The following L3MBTL4 variants were observed in gnomAD, a reference collection of about 807,000 sequenced individuals.
The protein encoded by L3MBTL4 is lethal(3)malignant brain tumor-like protein 4.
In L3MBTL4, 70 loss-of-function variants were observed where a neutral mutation model predicts 84.5. That is an observed-to-expected ratio of 0.83 (90% CI 0.68 to 1.01). L3MBTL4 has a LOEUF of 1.01. Among genes scored for constraint, L3MBTL4 ranks in the 50% least tolerant of loss-of-function variants. The pLI, the probability that L3MBTL4 is intolerant of heterozygous loss-of-function variation, is 0.00. For synonymous variants in L3MBTL4, 274 were observed against 259.8 expected (o/e 1.05, Z -0.52); for missense variants, 715 against 754.8 (o/e 0.95, Z 0.62).
At chr18:6,032,516 G>A (rs2055874741) in intron 16 of L3MBTL4, among the ~76,000 whole-genome samples, 1 of 151,698 alleles carries the variant, frequency 6.6e-6, no homozygotes, top group Non-Finnish European at 1.5e-5. Context: ...GTACTGTACT[G>A]TTGAATTGTT....
At chr18:6,153,703 G>A (rs553441429) in intron 13 of L3MBTL4, among the ~76,000 whole-genome samples, 212 of 152,148 alleles carry the variant, frequency 1.4e-3, no homozygotes, top group Non-Finnish European at 2.7e-3. Context: ...GATCATAAGG[G>A]TGGTTTTCCC....
At chr18:6,189,285 A>T (rs1217808473) in intron 12 of L3MBTL4, among the ~76,000 whole-genome samples, 4 of 152,174 alleles carry the variant, frequency 2.6e-5, no homozygotes, top group African/African-American at 7.2e-5. Flanking sequence ...TCATCTCAAG[A>T]TCCTTAACTT....
chr18:6,407,370 C>T (rs1211936182), intron 1 of L3MBTL4, among the ~76,000 whole-genome samples: 2 of 152,004 alleles, frequency 1.3e-5, no homozygotes, highest in Admixed American at 6.5e-5. Flanking sequence ...AAAATCACAG[C>T]AACCTATAGT....
intron 1 of L3MBTL4, among the ~76,000 whole-genome samples, chr18:6,356,104 T>C (rs2053434048): frequency 6.6e-6 from 1 of 152,264 alleles, no homozygotes; most frequent in African/African-American, 2.4e-5. Context: ...ATACAAGTCC[T>C]ATGAGTCACC....
chr18:6,121,917 C>A (rs2059542457), intron 14 of L3MBTL4, among the ~76,000 whole-genome samples: 2 of 152,150 alleles, frequency 1.3e-5, no homozygotes, highest in East Asian at 3.8e-4. Context: ...CTAAAATCTT[C>A]CTAATCTACA....
intron 1 of L3MBTL4, among the ~76,000 whole-genome samples, chr18:6,391,919 C>T (rs553698304): frequency 1.3e-5 from 2 of 152,090 alleles, no homozygotes; most frequent in South Asian, 4.1e-4. Flanking sequence ...GTGAAAATAA[C>T]CATACTGCCC....
intron 14 of L3MBTL4, among the ~76,000 whole-genome samples, chr18:6,132,836 G>C (rs1226970593): frequency 2.0e-5 from 3 of 152,186 alleles, no homozygotes; most frequent in Non-Finnish European, 4.4e-5. Flanking sequence ...TCAGAATCTA[G>C]TAGGGAGAGG....
chr18:6,348,199 A>G (rs1013894542), intron 1 of L3MBTL4, among the ~76,000 whole-genome samples: 4 of 152,074 alleles, frequency 2.6e-5, no homozygotes, highest in African/African-American at 7.2e-5. Context: ...GATTCAGTAC[A>G]GTAAAGGTGA....
Position 6,020,329 on chromosome 18 carries a change from T to C in L3MBTL4, c.1445-50767A>G, listed in dbSNP as rs139559861. The stretch of plus-strand genomic sequence containing the variant: ...TGAGAAGAAGGGGGAAAGCAGGTTC[T>C]GGAAAGAGGAAACAGTATGTGCAAA... On this transcript the variant is annotated intron_variant, in intron 16 of 18. Transcript: ENST00000317931. Among the ~76,000 whole-genome samples, 697 of 151,920 alleles carry C rather than the reference T, an allele frequency of 4.6e-3. 4 individuals are homozygous for C. Among genetic ancestry groups the C allele is most frequent in the African/African-American group, 0.016 (679 of 41,398 alleles).
chr18:6,360,281 G>A (rs111663367), intron 1 of L3MBTL4, among the ~76,000 whole-genome samples: 1 of 152,148 alleles, frequency 6.6e-6, no homozygotes. Context: ...TGACACGGGG[G>A]GATCCCTTAA....
intron 16 of L3MBTL4, among the ~76,000 whole-genome samples, chr18:6,072,493 C>G (rs2042335608): frequency 6.6e-6 from 1 of 151,870 alleles, no homozygotes; most frequent in Non-Finnish European, 1.5e-5. Flanking sequence ...TCATGGAATG[C>G]AGGAAAAGCC....
rs191128490 is a variant in L3MBTL4 at position 5,969,936 on chromosome 18, T to C, written c.1445-374A>G. On this transcript the variant is annotated intron_variant, in intron 16 of 18. Transcript: ENST00000317931. ...GTGCAGAATTTGACTAATAAGCAGA[T>C]TGGCACACCAAACCATCTGGGATGT... Among the ~76,000 whole-genome samples the C allele has an allele frequency of 1.5e-4, 23 of 152,338 alleles. No homozygotes were observed. In the East Asian group the frequency reaches 4.0e-3, roughly 27 times the overall value.
chr18:6,193,460 G>T (rs1301126855), intron 12 of L3MBTL4, among the ~76,000 whole-genome samples: 1 of 152,180 alleles, frequency 6.6e-6, no homozygotes, highest in Non-Finnish European at 1.5e-5. Flanking sequence ...AGCCCCCAAA[G>T]GGCCCATGTG....
intron 12 of L3MBTL4, among the ~76,000 whole-genome samples, chr18:6,189,441 C>T (rs2044953733): frequency 6.6e-6 from 1 of 152,188 alleles, no homozygotes; most frequent in Non-Finnish European, 1.5e-5. Context: ...AGGCACGGCC[C>T]TTTCTGAGGG....
At chr18:6,373,226 C>G (rs1359333937) in intron 1 of L3MBTL4, among the ~76,000 whole-genome samples, 1 of 152,172 alleles carries the variant, frequency 6.6e-6, no homozygotes, top group African/African-American at 2.4e-5. Context: ...CAACCTCATC[C>G]GTGCTGGGAA....
chr18:6,125,165 C>G (rs9947169), intron 14 of L3MBTL4, among the ~76,000 whole-genome samples: 1 of 140,716 alleles, frequency 7.1e-6, no homozygotes, highest in African/African-American at 2.6e-5. Context: ...TAACAAAATG[C>G]GGAAGGAAGG....
intron 1 of L3MBTL4, among the ~76,000 whole-genome samples, chr18:6,386,491 A>G (rs542172401): frequency 3.5e-4 from 54 of 152,374 alleles, no homozygotes; most frequent in African/African-American, 1.3e-3. Context: ...TAAACAAAGC[A>G]AAGTTCCAGT....
intron 1 of L3MBTL4, among the ~76,000 whole-genome samples, chr18:6,370,987 G>A (rs1425766413): frequency 6.6e-6 from 1 of 152,180 alleles, no homozygotes; most frequent in East Asian, 1.9e-4. Context: ...GCAAGTCTTA[G>A]TCGCGCCAAG....
chr18:6,211,462 A>G (rs1269482578), intron 12 of L3MBTL4, among the ~76,000 whole-genome samples: 1 of 152,200 alleles, frequency 6.6e-6, no homozygotes, highest in Non-Finnish European at 1.5e-5. Context: ...TTAATTGAAG[A>G]ATAGAGGAAT....
Sources: allele counts gnomAD v4.1 joint callset (sites outside exome capture counted in the v4.1 genomes callset), GRCh38; gene constraint gnomAD v4.1.1; transcripts MANE v1.5; gene names NCBI Gene and HGNC (gene_info 2026-07-23, HGNC 2026-07-21).